Variants in TEX36 observed in about 807,000 individuals in gnomAD.
TEX36 encodes testis expressed 36, also known as testis-expressed protein 36.
A neutral mutation model predicts 13.6 loss-of-function variants in TEX36; 12 were observed. The observed-to-expected ratio is 0.88, with a 90% CI of 0.56 to 1.43. TEX36 has a LOEUF of 1.43. TEX36 is among the 40% of genes most tolerant of loss of function. The pLI is 0.00. For synonymous variants in TEX36, 93 were observed against 83.0 expected, an observed-to-expected ratio of 1.12 and a Z score of -0.65; for missense variants, 224 against 228.3, an observed-to-expected ratio of 0.98 and a Z score of 0.12.
downstream of TEX36, among the ~76,000 whole-genome samples, chr10:125,617,951 C>T (rs933010746): frequency 6.6e-6 from 1 of 152,212 alleles, no homozygotes. Context: ...GGTCTTTTCA[C>T]ATAGTCCCAT....
chr10:125,628,941 A>G (rs1846520351), intron 3 of TEX36, among the ~76,000 whole-genome samples: 1 of 152,158 alleles, frequency 6.6e-6, no homozygotes, highest in African/African-American at 2.4e-5. Flanking sequence ...TACCTTATCT[A>G]TTCCTCACAA....
intron 3 of TEX36, among the ~76,000 whole-genome samples, chr10:125,631,221 G>T (rs894052903): frequency 5.3e-5 from 8 of 152,182 alleles, no homozygotes; most frequent in Non-Finnish European, 7.3e-5. Flanking sequence ...TCAGAACATT[G>T]ACTGCTGCCT....
intron 1 of TEX36, among the ~76,000 whole-genome samples, chr10:125,669,037 A>T (rs1168170898): frequency 6.6e-6 from 1 of 152,172 alleles, no homozygotes. Flanking sequence ...TCATGCCTGT[A>T]ATCCCAACAC....
At position 125,606,424 on chromosome 10, in the gene TEX36, C is replaced by T. The variant is rs369901442; in HGVS notation, c.265-29550G>A. Among the ~76,000 whole-genome samples, 22 of 152,344 alleles carry T rather than the reference C, an allele frequency of 1.4e-4. No individual in the cohort carries two copies. The East Asian group carries it at 2.3e-3, about 16-fold the overall frequency. On this transcript the variant is annotated intron_variant, in intron 3 of 3. Transcript: ENST00000532135. ...AAACCAAGTCATGTACACCATTTTA[C>T]TCCTAGAAAGTTGAATTTATGTTAT...
At chr10:125,638,174 A>G (rs1447555149) in intron 3 of TEX36, among the ~76,000 whole-genome samples, 6 of 101,996 alleles carry the variant, frequency 5.9e-5, no homozygotes, top group Admixed American at 5.1e-4. Context: ...CCCAGCCCCC[A>G]TCCCCCACTG....
chr10:125,627,826 G>A (rs1846505851), intron 3 of TEX36, among the ~76,000 whole-genome samples: 1 of 152,216 alleles, frequency 6.6e-6, no homozygotes, highest in Non-Finnish European at 1.5e-5. Context: ...CCAGCACAGG[G>A]CACTGCAGAG....
At chr10:125,632,229 T>C (rs997638510) in intron 3 of TEX36, among the ~76,000 whole-genome samples, 2 of 151,588 alleles carry the variant, frequency 1.3e-5, no homozygotes, top group African/African-American at 4.9e-5. Flanking sequence ...GGGGGAGAGG[T>C]GGCACTCACA....
At chr10:125,613,397 A>G (rs1417809873) in intron 3 of TEX36, among the ~76,000 whole-genome samples, 2 of 148,838 alleles carry the variant, frequency 1.3e-5, no homozygotes, top group East Asian at 4.0e-4. Flanking sequence ...GTCATCTAGC[A>G]TTAGGTATAT....
chr10:125,622,536 TG>T (rs1846438885), intron 3 of TEX36, among the ~76,000 whole-genome samples: 1 of 152,278 alleles, frequency 6.6e-6, no homozygotes, highest in Admixed American at 6.5e-5. Flanking sequence ...ATTTTTCACC[TG>T]GTACTGTGAT....
chr10:125,614,100 T>A (rs947956749), intron 3 of TEX36, among the ~76,000 whole-genome samples: 2 of 152,266 alleles, frequency 1.3e-5, no homozygotes, highest in African/African-American at 2.4e-5. Flanking sequence ...TGTTTGTTCA[T>A]GTCCTTTGCC....
At chr10:125,681,555 T>C (rs1175185048) in intron 1 of TEX36, among the ~76,000 whole-genome samples, 1 of 152,216 alleles carries the variant, frequency 6.6e-6, no homozygotes, top group African/African-American at 2.4e-5. Flanking sequence ...ATCCTGGAAA[T>C]ATACCTAATA....
chr10:125,626,201 G>A (rs979513828), intron 3 of TEX36, among the ~76,000 whole-genome samples: 2 of 152,104 alleles, frequency 1.3e-5, no homozygotes, highest in Non-Finnish European at 2.9e-5. Flanking sequence ...CTACAAGTTC[G>A]GTCCCACGAG....
intron 3 of TEX36, among the ~76,000 whole-genome samples, chr10:125,615,229 C>T (rs978470512): frequency 2.6e-5 from 4 of 151,986 alleles, no homozygotes; most frequent in Non-Finnish European, 5.9e-5. Context: ...CATCTGCAAA[C>T]AGGGACAATT....
At chr10:125,637,146 T>A (rs919354366) in intron 3 of TEX36, among the ~76,000 whole-genome samples, 1 of 151,646 alleles carries the variant, frequency 6.6e-6, no homozygotes, top group Non-Finnish European at 1.5e-5. Flanking sequence ...TACAAAAAAA[T>A]TAAAAAATAA....
At chr10:125,682,403 C>A (rs1170827908) in intron 1 of TEX36, among the ~76,000 whole-genome samples, 1 of 152,170 alleles carries the variant, frequency 6.6e-6, no homozygotes, top group African/African-American at 2.4e-5. Context: ...GGACTCTTCT[C>A]ATTTCATAGG....
At chr10:125,577,919 G>A (rs1290669864) in intron 3 of TEX36, among the ~76,000 whole-genome samples, 1 of 152,202 alleles carries the variant, frequency 6.6e-6, no homozygotes, top group Non-Finnish European at 1.5e-5. Context: ...AGATTAAAAA[G>A]GGCAGGTCTT....
chr10:125,620,096 C>T (rs193063358), downstream of TEX36, among the ~76,000 whole-genome samples: 281 of 152,174 alleles, frequency 1.8e-3, no homozygotes, highest in Non-Finnish European at 3.4e-3. Flanking sequence ...TGCATCTTTG[C>T]CCCTAAATCT....
intron 3 of TEX36, among the ~76,000 whole-genome samples, chr10:125,602,045 AG>A (rs1378342182): frequency 6.6e-6 from 1 of 152,164 alleles, no homozygotes; most frequent in Non-Finnish European, 1.5e-5. Context: ...GAGGTGTTGC[AG>A]GGGGAAAGGG....
At chr10:125,616,743 G>GA (rs1172385234), downstream of TEX36, among the ~76,000 whole-genome samples, 2 of 127,198 alleles carry the variant, frequency 1.6e-5, no homozygotes, top group African/African-American at 3.0e-5. Flanking sequence ...GTGTGGTGCT[G>GA]AAAAAAATGT....
Sources: gnomAD v4.1 joint callset for allele counts (sites outside exome capture counted in the v4.1 genomes callset) on GRCh38, gnomAD v4.1.1 for gene constraint, MANE v1.5 for transcripts, NCBI Gene and HGNC (gene_info 2026-07-23, HGNC 2026-07-21) for gene names.